Variants in TTC13 observed in about 807,000 individuals in gnomAD.
TTC13 encodes tetratricopeptide repeat domain 13, also known as tetratricopeptide repeat protein 13.
In TTC13, 62 loss-of-function variants were observed where a neutral mutation model predicts 120.0. The observed-to-expected ratio is 0.52, with a 90% CI of 0.42 to 0.64. The LOEUF (loss-of-function observed/expected upper bound fraction) is 0.64. Among genes scored for constraint, TTC13 ranks in the 30% least tolerant of loss-of-function variants. The pLI, the probability that TTC13 is intolerant of heterozygous loss-of-function variation, is 0.00. For synonymous variants in TTC13, 384 were observed against 393.5 expected (o/e 0.98, Z 0.28); for missense variants, 824 against 1,050.2 (o/e 0.78, Z 2.98).
chr1:230,948,340 G>A (rs1169327512), intron 4 of TTC13, among the ~76,000 whole-genome samples: 3 of 112,264 alleles, frequency 2.7e-5, no homozygotes, highest in Admixed American at 2.2e-4. Flanking sequence ...AAAAAAAAAA[G>A]TGCTAATCTT....
intron 1 of TTC13, among the ~76,000 whole-genome samples, chr1:230,975,144 G>GTGGAA (rs1020880166): frequency 6.6e-6 from 1 of 151,958 alleles, no homozygotes; most frequent in African/African-American, 2.4e-5. Context: ...GGAGGCTGAG[G>GTGGAA]TGGAAGTACT....
At chr1:230,913,811 C>A (rs1274326059) in intron 18 of TTC13, among the ~76,000 whole-genome samples, 1 of 152,194 alleles carries the variant, frequency 6.6e-6, no homozygotes, top group Non-Finnish European at 1.5e-5. Context: ...CATTGGAAAG[C>A]AGGGGTGAAC....
intron 1 of TTC13, among the ~76,000 whole-genome samples, chr1:230,969,841 T>C (rs747037475): frequency 6.6e-6 from 1 of 152,242 alleles, no homozygotes; most frequent in African/African-American, 2.4e-5. Context: ...CAGAAAAGGA[T>C]TGTTAAATGT....
At chr1:230,974,069 TCC>T (rs1678021831) in intron 1 of TTC13, among the ~76,000 whole-genome samples, 3 of 142,794 alleles carry the variant, frequency 2.1e-5, no homozygotes, top group South Asian at 4.5e-4. Context: ...AGGGCGATAC[TCC>T]ATCTCAAAAA....
At chr1:230,972,287 T>C (rs533649490) in intron 1 of TTC13, among the ~76,000 whole-genome samples, 1 of 152,362 alleles carries the variant, frequency 6.6e-6, no homozygotes, top group Admixed American at 6.5e-5. Context: ...TGATTTCGGT[T>C]CTTTCTGATT....
intron 1 of TTC13, among the ~76,000 whole-genome samples, chr1:230,969,557 A>G (rs1677509221): frequency 6.6e-6 from 1 of 152,192 alleles, no homozygotes; most frequent in Admixed American, 6.5e-5. Flanking sequence ...TCTAATCTTA[A>G]GCAGTATTTT....
intron 17 of TTC13, among the ~76,000 whole-genome samples, chr1:230,916,548 C>T (rs1025257851): frequency 6.6e-6 from 1 of 152,210 alleles, no homozygotes; most frequent in Non-Finnish European, 1.5e-5. Flanking sequence ...CAAAAGCTCA[C>T]AGGTTCTCTT....
At chr1:230,954,224 T>C in intron 4 of TTC13, 109 bp downstream of exon 4, 2 of 755,462 alleles carry the variant, frequency 2.6e-6, no homozygotes, top group Non-Finnish European at 4.4e-6. Context: ...TCTTTCACTT[T>C]CTTGTATAAT....
Position 230,925,517 on chromosome 1 carries a change from C to A in TTC13, c.1588G>T (p.Ala530Ser). 6.2e-7 allele frequency: 1 copy of A among 1,613,894 alleles called. No homozygotes were observed. The highest frequency in any genetic ancestry group is 1.1e-5 in the South Asian group (1 of 91,060). Residue 530 changes from alanine to serine, a missense_variant and splice_region_variant, in exon 13 of 23, where the codon GCT becomes TCT. Physicochemically the swap from Ala to Ser is moderately conservative, Grantham distance 99. Transcript: ENST00000366661. ...CATTTTCAGGTAGTTTCCAGAATAC[C>A]TCTGTGTATTCTCTTGTTTGGCAGG... ...GFLPNKRIHR[A>S]MGLAALEVMQ...
rs771288068 is a variant in TTC13, at chr1:230,923,884, G to A, written c.1771C>T (p.Arg591Ter). The change falls in exon 15 of 23, where the codon CGA (arginine) becomes TGA (stop). Residue 591 changes from arginine (R) to a stop codon, truncating the protein, a stop_gained. Transcript: ENST00000366661. LOFTEE classifies it high-confidence loss of function. ...PVLWLDQMPA[R>*]SLSRGFNNHI... Reference sequence around the variant, plus strand: ...TTGTTAAAACCTCTGCTAAGACTTCGTGCTGGCATTTGATCTAACCACAGC... The same window carrying A: ...TTGTTAAAACCTCTGCTAAGACTTCATGCTGGCATTTGATCTAACCACAGC... 7 of 1,613,846 alleles carry A rather than the reference G, an allele frequency of 4.3e-6. No homozygotes were observed. The highest frequency in any genetic ancestry group is 2.5e-6 in the Non-Finnish European group (3 of 1,179,892).
intron 4 of TTC13, among the ~76,000 whole-genome samples, chr1:230,949,120 T>C (rs1458166029): frequency 1.3e-5 from 2 of 152,150 alleles, no homozygotes; most frequent in East Asian, 3.9e-4. Flanking sequence ...TGCAAAGTCA[T>C]GCTATTCTTG....
At chr1:230,948,015 A>G (rs1220925042) in intron 4 of TTC13, among the ~76,000 whole-genome samples, 1 of 152,100 alleles carries the variant, frequency 6.6e-6, no homozygotes, top group African/African-American at 2.4e-5. Context: ...GGATACTGTG[A>G]TCACCTTACC....
intron 4 of TTC13, among the ~76,000 whole-genome samples, chr1:230,949,997 A>G (rs1423395099): frequency 1.3e-5 from 2 of 152,352 alleles, no homozygotes; most frequent in East Asian, 3.9e-4. Context: ...CAAGAAGGAC[A>G]TATAATTATT....
At chr1:230,926,106 T>C (rs1281225406) in intron 12 of TTC13, among the ~76,000 whole-genome samples, 2 of 152,154 alleles carry the variant, frequency 1.3e-5, no homozygotes, top group African/African-American at 4.8e-5. Context: ...TAACAAAGAC[T>C]GAAACTCTAA....
intron 2 of TTC13, among the ~76,000 whole-genome samples, chr1:230,960,955 G>A (rs150254225): frequency 2.1e-3 from 325 of 152,344 alleles, no homozygotes; most frequent in African/African-American, 7.6e-3. Flanking sequence ...AAGGCTGCTA[G>A]AAATAAGGTT....
chr1:230,949,679 G>A (rs145839600), intron 4 of TTC13, among the ~76,000 whole-genome samples: 11 of 151,156 alleles, frequency 7.3e-5, no homozygotes, highest in East Asian at 3.9e-4. Flanking sequence ...ACGAAGTCTC[G>A]CTGTCGCCCA....
intron 1 of TTC13, among the ~76,000 whole-genome samples, chr1:230,963,849 T>C (rs1421878038): frequency 6.6e-6 from 1 of 151,790 alleles, no homozygotes; most frequent in Non-Finnish European, 1.5e-5. Context: ...AAAGTATGAG[T>C]TTGGAAGGTG....
At chr1:230,960,761 TGGA>T (rs1023927994) in intron 2 of TTC13, among the ~76,000 whole-genome samples, 8 of 152,302 alleles carry the variant, frequency 5.3e-5, no homozygotes, top group African/African-American at 1.9e-4. Context: ...GCAGCCAGGC[TGGA>T]GGAGGAGATG....
rs2102810845 is a variant in TTC13 at position 230,925,602 on chromosome 1, C to T, written c.1503G>A (p.Gln501=). ...AACGATCAGCCACACAAATCAGCTC[C>T]TGTACTTCAGGCTTATAACTCTCAA... ...QNFESYKPEV[Q]ELICVADRLG... is the part of the protein sequence containing the mutation. The change falls in exon 13 of 23, where the codon CAG becomes CAA. Residue 501 remains glutamine, a synonymous_variant. Coordinates refer to ENST00000366661, the MANE Select transcript of TTC13 (RefSeq NM_024525.5). 2 of 1,614,088 alleles carry T rather than the reference C, an allele frequency of 1.2e-6. No homozygotes were observed. Among genetic ancestry groups the T allele is most frequent in the South Asian group, 1.1e-5 (1 of 91,080 alleles).
Sources: gnomAD v4.1 joint callset for allele counts (sites outside exome capture counted in the v4.1 genomes callset) on GRCh38, gnomAD v4.1.1 for gene constraint, MANE v1.5 for transcripts, NCBI Gene and HGNC (gene_info 2026-07-23, HGNC 2026-07-21) for gene names.